The following HSD11B1 variants were observed in gnomAD, a reference collection of about 807,000 sequenced individuals.
HSD11B1 encodes the protein 11-beta-hydroxysteroid dehydrogenase 1.
A neutral mutation model predicts 22.1 loss-of-function variants in HSD11B1; 15 were observed. That is an observed-to-expected ratio of 0.68 (90% confidence interval 0.45 to 1.04). The LOEUF (loss-of-function observed/expected upper bound fraction) is 1.04. Among genes scored for constraint, HSD11B1 ranks in the 50% least tolerant of loss-of-function variants. The pLI, the probability that HSD11B1 is intolerant of heterozygous loss-of-function variation, is 0.00. For synonymous variants in HSD11B1, 122 were observed against 125.2 expected (o/e 0.97, Z 0.17); for missense variants, 281 against 357.6 (o/e 0.79, Z 1.73).
chr1:209,695,672 G>A (rs2102357908), intron 1 of HSD11B1, among the ~76,000 whole-genome samples: 1 of 152,162 alleles, frequency 6.6e-6, no homozygotes, highest in South Asian at 2.1e-4. Context: ...GCTGGGTGTG[G>A]TGGTGCACCC....
intron 4 of HSD11B1, among the ~76,000 whole-genome samples, chr1:209,726,273 C>A: frequency 2.0e-5 from 1 of 50,720 alleles, no homozygotes; most frequent in South Asian, 1.0e-3. Context: ...GAATGAGACT[C>A]CGTAAAAAAA....
Position 209,734,547 on chromosome 1 carries a change from G to C in HSD11B1, c.*26G>C. 6.5e-7 allele frequency: 1 copy of C among 1,543,212 alleles called. No homozygotes were observed. Among genetic ancestry groups the C allele is most frequent in the Admixed American group, 1.7e-5 (1 of 59,926 alleles). ...GAACTCCCTGAGGGCTGGGCATGCTGAGGGATTTTGGGACTGTTCTGTCTC... is the reference window on the plus strand; with the variant it reads ...GAACTCCCTGAGGGCTGGGCATGCTCAGGGATTTTGGGACTGTTCTGTCTC... On this transcript the variant is annotated 3_prime_UTR_variant, in exon 6 of 6. Transcript: ENST00000367027.
At chr1:209,723,974 A>C (rs1174697239) in intron 4 of HSD11B1, 1 of 152,194 alleles carries the variant, frequency 6.6e-6, no homozygotes, top group Non-Finnish European at 1.5e-5. Flanking sequence ...GCAGTTGCTT[A>C]TGTTATTTCC....
At chr1:209,732,341 A>G in intron 4 of HSD11B1, 95 bp from the exon 5 acceptor site, 1 of 1,348,522 alleles carries the variant, frequency 7.4e-7, no homozygotes, top group Non-Finnish European at 1.1e-6. Context: ...TCAAAGGGGT[A>G]AAAGGACACC....
chr1:209,726,428 CGTT>C (rs1558198945), intron 4 of HSD11B1, among the ~76,000 whole-genome samples: 1 of 151,534 alleles, frequency 6.6e-6, no homozygotes, highest in Non-Finnish European at 1.5e-5. Context: ...CATAGTAAGA[CGTT>C]GTCTCTACAA....
chr1:209,716,854 T>C lies in HSD11B1; in HGVS notation c.517+9726T>C, dbSNP rs555314253. On this transcript the variant is annotated intron_variant, in intron 4 of 5. Coordinates refer to ENST00000367027, the MANE Select transcript of HSD11B1 (RefSeq NM_005525.4). ...TGGTGCTGGAAAAACTGAATATTCA[T>C]ATGCAGAAGAATGAAACTAGATCTC... Among the ~76,000 whole-genome samples the C allele has an allele frequency of 3.3e-5, 5 of 152,272 alleles. No individual in the cohort carries two copies. The East Asian group carries it at 5.8e-4, about 18-fold the overall frequency.
At chr1:209,719,840 T>C (rs1005950611) in intron 4 of HSD11B1, among the ~76,000 whole-genome samples, 2 of 152,220 alleles carry the variant, frequency 1.3e-5, no homozygotes, top group South Asian at 4.1e-4. Flanking sequence ...TTTCCTATTG[T>C]GAATAGTGCC....
In HSD11B1 at chr1:209,719,019, C is replaced by CAAAAAAAAAAAAAAAA. The variant is rs56342028; in HGVS notation, c.517+11893_517+11908dup. Among the ~76,000 whole-genome samples, 122 of 35,636 alleles carry CAAAAAAAAAAAAAAAA rather than the reference C, an allele frequency of 3.4e-3. 8 individuals are homozygous for CAAAAAAAAAAAAAAAA. Among genetic ancestry groups the CAAAAAAAAAAAAAAAA allele is most frequent in the East Asian group, 5.4e-3 (4 of 746 alleles). The allele number at this position is 35,636 out of a possible 152,430, so 23.4% of individuals were successfully genotyped here. On this transcript the variant is annotated intron_variant, in intron 4 of 5. Coordinates refer to ENST00000367027, the MANE Select transcript of HSD11B1 (RefSeq NM_005525.4). The stretch of plus-strand genomic sequence containing the variant: ...TGGGTGACACAGTGAGACTCCATCT[C>CAAAAAAAAAAAAAAAA]AAAAAAAAAAAAAAAAAGGAAAGAA...
upstream of HSD11B1, among the ~76,000 whole-genome samples, chr1:209,700,394 A>G (rs545220169): frequency 2.6e-5 from 4 of 152,350 alleles, no homozygotes; most frequent in Admixed American, 1.3e-4. Flanking sequence ...CTCTGAAGCT[A>G]AAGCCTGAGC....
chr1:209,698,277 A>G (rs2076805746), intron 1 of HSD11B1, among the ~76,000 whole-genome samples: 1 of 152,140 alleles, frequency 6.6e-6, no homozygotes, highest in South Asian at 2.1e-4. Context: ...TGAAATTCAG[A>G]TTTAACTGTA....
chr1:209,719,605 T>C (rs1409829009), intron 4 of HSD11B1, among the ~76,000 whole-genome samples: 2 of 152,196 alleles, frequency 1.3e-5, no homozygotes, highest in African/African-American at 4.8e-5. Context: ...CCTCTCCCAG[T>C]GTCCATGTAC....
upstream of HSD11B1, among the ~76,000 whole-genome samples, chr1:209,703,415 G>T (rs2076836321): frequency 6.6e-6 from 1 of 152,082 alleles, no homozygotes; most frequent in African/African-American, 2.4e-5. Context: ...TACAAATGTA[G>T]CTTGCAGTTC....
intron 4 of HSD11B1, among the ~76,000 whole-genome samples, chr1:209,723,488 T>C (rs1465883058): frequency 6.6e-6 from 1 of 152,198 alleles, no homozygotes; most frequent in Non-Finnish European, 1.5e-5. Flanking sequence ...AGGTCCTCCC[T>C]GAGCCTGGAC....
intron 4 of HSD11B1, among the ~76,000 whole-genome samples, chr1:209,720,970 CA>C (rs1233686146): frequency 2.0e-5 from 3 of 152,080 alleles, no homozygotes; most frequent in Non-Finnish European, 4.4e-5. Context: ...AATCCACTGC[CA>C]AATGTCCTTA....
intron 1 of HSD11B1, among the ~76,000 whole-genome samples, chr1:209,699,553 C>T (rs543443052): frequency 6.6e-6 from 1 of 152,220 alleles, no homozygotes; most frequent in Non-Finnish European, 1.5e-5. Flanking sequence ...CTGGGAGACA[C>T]AATTCAAGCT....
intron 4 of HSD11B1, among the ~76,000 whole-genome samples, chr1:209,731,778 G>C (rs2077037277): frequency 6.6e-6 from 1 of 152,064 alleles, no homozygotes; most frequent in Non-Finnish European, 1.5e-5. Flanking sequence ...GCGGTGGCGC[G>C]ATCTCAGCTC....
intron 4 of HSD11B1, among the ~76,000 whole-genome samples, chr1:209,711,973 C>T (rs11119328): frequency 9.2e-5 from 14 of 151,928 alleles, no homozygotes; most frequent in Admixed American, 2.0e-4. Flanking sequence ...TGGAAAGGCT[C>T]GGCTGAACTT....
intron 1 of HSD11B1, among the ~76,000 whole-genome samples, chr1:209,692,608 G>GGGGGTT (rs759595141): frequency 9.1e-5 from 1 of 11,022 alleles, no homozygotes; most frequent in Non-Finnish European, 1.6e-4. Context: ...TTAAAATGGC[G>GGGGGTT]GGGGGGGGGG....
At chr1:209,714,324 T>G (rs1247499834) in intron 4 of HSD11B1, among the ~76,000 whole-genome samples, 1 of 152,258 alleles carries the variant, frequency 6.6e-6, no homozygotes. Context: ...AATAGTAGTA[T>G]GTTTTACAAC....
Sources: allele counts gnomAD v4.1 joint callset (sites outside exome capture counted in the v4.1 genomes callset), GRCh38; gene constraint gnomAD v4.1.1; transcripts MANE v1.5; gene names NCBI Gene and HGNC (gene_info 2026-07-23, HGNC 2026-07-21).